Variants in LGALS9 observed in about 807,000 individuals in gnomAD.
LGALS9 encodes galectin 9.
LGALS9 carries 26 observed loss-of-function variants against 35.9 expected under a neutral mutation model. That is an observed-to-expected ratio of 0.72 (90% CI 0.53 to 1.01). The LOEUF is 1.01. Among genes scored for constraint, LGALS9 ranks in the 50% least tolerant of loss-of-function variants. LGALS9 has a pLI of 0.00. For synonymous variants in LGALS9, 149 were observed against 172.2 expected (o/e 0.87, Z 1.06); for missense variants, 347 against 445.8 (o/e 0.78, Z 1.99).
intron 10 of LGALS9, among the ~76,000 whole-genome samples, chr17:27,647,910 C>T (rs1905064283): frequency 6.6e-6 from 1 of 152,214 alleles, no homozygotes; most frequent in Admixed American, 6.5e-5. Flanking sequence ...GTGCCACGCA[C>T]AAAGCAAAAC....
At chr17:27,645,066 C>A in intron 5 of LGALS9, 1 of 637,216 alleles carries the variant, frequency 1.6e-6, no homozygotes, top group Non-Finnish European at 2.7e-6. Flanking sequence ...CTCTATCAAA[C>A]CCAGTCTCCT....
chr17:27,636,706 C>A (rs2074455983), intron 1 of LGALS9, among the ~76,000 whole-genome samples: 1 of 152,084 alleles, frequency 6.6e-6, no homozygotes, highest in South Asian at 2.1e-4. Flanking sequence ...CTCCTGGGCT[C>A]AAGTGATCCT....
chr17:27,639,384 A>C (rs1403218079), intron 2 of LGALS9, among the ~76,000 whole-genome samples: 36 of 111,130 alleles, frequency 3.2e-4, no homozygotes, highest in African/African-American at 5.2e-4. Context: ...AGGGCTTCCC[A>C]CTCCCATCCT....
intron 1 of LGALS9, among the ~76,000 whole-genome samples, chr17:27,633,634 GT>G (rs1377204061): frequency 6.6e-6 from 1 of 152,264 alleles, no homozygotes; most frequent in East Asian, 1.9e-4. Flanking sequence ...AGGAGGAAAA[GT>G]CCCCGGTCTC....
chr17:27,645,822 A>T, intron 6 of LGALS9, 39 bp from the exon 7 acceptor site: 1 of 1,556,254 alleles, frequency 6.4e-7, no homozygotes, highest in Non-Finnish European at 8.8e-7. Flanking sequence ...TGGTTTTCAC[A>T]CGTGAGAGCC....
chr17:27,644,501 G>C (rs1379227910), intron 5 of LGALS9: 2 of 152,398 alleles, frequency 1.3e-5, no homozygotes, highest in Non-Finnish European at 2.9e-5. Context: ...GGTTCACACA[G>C]CCAGGGAGAA....
chr17:27,640,649 G>C lies in LGALS9; in HGVS notation c.209G>C (p.Gly70Ala), dbSNP rs777423224. The C allele has an allele frequency of 4.3e-6, 7 of 1,614,236 alleles. No homozygotes were observed. In the East Asian group the frequency reaches 1.3e-4, roughly 31 times the overall value. The change falls in exon 3 of 11, where the codon GGG (glycine) becomes GCG (alanine). Residue 70 changes from glycine (G) to alanine (A), a missense_variant. By Grantham distance (60) the Gly-to-Ala change is moderately conservative. Transcript: ENST00000395473. Reference sequence around the variant, plus strand: ...TTCAACCCTCGGTTTGAAGATGGAGGGTACGTGGTGTGCAACACGAGGCAG... The same window carrying C: ...TTCAACCCTCGGTTTGAAGATGGAGCGTACGTGGTGTGCAACACGAGGCAG... The part of the protein sequence containing the change: ...FHFNPRFEDG[G>A]YVVCNTRQNG...
At chr17:27,635,823 G>A (rs547155500) in intron 1 of LGALS9, among the ~76,000 whole-genome samples, 208 of 152,242 alleles carry the variant, frequency 1.4e-3, no homozygotes, top group Non-Finnish European at 2.4e-3. Context: ...AACAGGCAAG[G>A]AGAAAAATGT....
At chr17:27,640,450 TCTG>T (rs1904382468) in intron 2 of LGALS9, 119 bp from the exon 3 acceptor site, 1 of 1,404,594 alleles carries the variant, frequency 7.1e-7, no homozygotes. Flanking sequence ...CAAAGCAGTC[TCTG>T]CCATACAGGT....
chr17:27,647,164 A>C, intron 9 of LGALS9, 46 bp downstream of exon 9: 5 of 1,614,104 alleles, frequency 3.1e-6, no homozygotes, highest in Non-Finnish European at 3.4e-6. Flanking sequence ...GAGCCCTTCA[A>C]GGTCAGTCCA....
intron 2 of LGALS9, among the ~76,000 whole-genome samples, chr17:27,639,633 G>A (rs923255314): frequency 6.6e-6 from 1 of 152,132 alleles, no homozygotes; most frequent in African/African-American, 2.4e-5. Flanking sequence ...TCAGTGGTAT[G>A]ATCATAGCTC....
At chr17:27,641,022 T>C in intron 3 of LGALS9, 2 of 706,284 alleles carry the variant, frequency 2.8e-6, no homozygotes, top group Non-Finnish European at 5.2e-6. Context: ...ATCACGTTGC[T>C]ATTTGGTGTT....
intron 1 of LGALS9, among the ~76,000 whole-genome samples, chr17:27,636,151 G>T (rs780646253): frequency 6.6e-6 from 1 of 152,182 alleles, no homozygotes; most frequent in Non-Finnish European, 1.5e-5. Context: ...GGTTTCCCAG[G>T]GTTCTGTGTG....
At chr17:27,632,165 G>A (rs2074399481) in intron 1 of LGALS9, among the ~76,000 whole-genome samples, 1 of 151,812 alleles carries the variant, frequency 6.6e-6, no homozygotes, top group Non-Finnish European at 1.5e-5. Context: ...GGGTCACTGT[G>A]TCCTGGGCCG....
chr17:27,642,599 T>C (rs1465349139), intron 4 of LGALS9, among the ~76,000 whole-genome samples: 2 of 152,068 alleles, frequency 1.3e-5, no homozygotes, highest in East Asian at 3.9e-4. Context: ...TTTCTCTTCA[T>C]CCCTCAGTTT....
intron 10 of LGALS9, 53 bp downstream of exon 10, chr17:27,647,485 AG>A: frequency 1.9e-6 from 3 of 1,604,170 alleles, no homozygotes; most frequent in South Asian, 1.1e-5. Flanking sequence ...GCACAGGGGG[AG>A]GGGGTAAAGG....
rs1904686402 is a variant in LGALS9, at chr17:27,643,565, T to G, written c.485T>G (p.Val162Gly). Reference protein sequence around the residue: ...TVPVQPAFSTVPFSQPVCFPP... With the variant: ...TVPVQPAFSTGPFSQPVCFPP... ...CCTGTTCAGCCTGCCTTCTCCACGG[T>G]GCCGTTCTCCCAGCCTGTCTGTTTC... Residue 162 changes from valine to glycine, a missense_variant, in exon 5 of 11, where the codon GTG (valine) becomes GGG (glycine). Coordinates refer to ENST00000395473, the MANE Select transcript of LGALS9 (RefSeq NM_009587.3). 12 of 1,611,914 alleles carry G rather than the reference T, an allele frequency of 7.4e-6. No individual in the cohort carries two copies. The highest frequency in any genetic ancestry group is 1.0e-5 in the Non-Finnish European group (12 of 1,179,772).
At chr17:27,641,222 T>A (rs1318828228) in intron 3 of LGALS9, among the ~76,000 whole-genome samples, 2 of 152,220 alleles carry the variant, frequency 1.3e-5, no homozygotes, top group Non-Finnish European at 2.9e-5. Flanking sequence ...TTGAGAAGCC[T>A]GTGGGTAAGT....
chr17:27,647,827 C>G (rs926870794), intron 10 of LGALS9, among the ~76,000 whole-genome samples: 7 of 152,228 alleles, frequency 4.6e-5, no homozygotes, highest in Admixed American at 1.3e-4. Context: ...GTCCTGCCTC[C>G]AGGGAGTTTA....
Sources: gnomAD v4.1 joint callset for allele counts (sites outside exome capture counted in the v4.1 genomes callset) on GRCh38, gnomAD v4.1.1 for gene constraint, MANE v1.5 for transcripts, NCBI Gene and HGNC (gene_info 2026-07-23, HGNC 2026-07-21) for gene names.